The following CCDC15 variants were observed in gnomAD, a reference collection of about 807,000 sequenced individuals.
CCDC15 encodes coiled-coil domain containing 15, also known as coiled-coil domain-containing protein 15.
Under a neutral mutation model 114.5 loss-of-function variants are expected in CCDC15, and 105 were observed. That is an observed-to-expected ratio of 0.92 (90% CI 0.78 to 1.08). CCDC15 has a LOEUF of 1.08. Ranked by LOEUF, CCDC15 falls within the 50% of genes least tolerant of loss-of-function variation. The pLI, the probability that CCDC15 is intolerant of heterozygous loss-of-function variation, is 0.00. For missense variants in CCDC15, 1,105 were observed against 1,093.6 expected, an observed-to-expected ratio of 1.01 and a Z score of -0.15; for synonymous variants, 334 against 377.8, an observed-to-expected ratio of 0.88 and a Z score of 1.34.
At chr11:124,963,009 A>G (rs1947700703) in intron 4 of CCDC15, among the ~76,000 whole-genome samples, 1 of 152,212 alleles carries the variant, frequency 6.6e-6, no homozygotes. Context: ...ATAGTATTTC[A>G]TGGTGTATAT....
At chr11:125,037,440 C>G (rs1247859983) in intron 13 of CCDC15, 1 of 152,236 alleles carries the variant, frequency 6.6e-6, no homozygotes, top group East Asian at 1.9e-4. Context: ...ATGCACCAAT[C>G]AGTGCTCTGC....
intron 11 of CCDC15, among the ~76,000 whole-genome samples, chr11:125,002,888 A>G (rs1361270661): frequency 2.0e-5 from 3 of 152,034 alleles, no homozygotes; most frequent in Non-Finnish European, 4.4e-5. Context: ...GGTCCCTTGC[A>G]TATTCACAAG....
At chr11:125,026,596 A>G (rs1437357853) in intron 13 of CCDC15, among the ~76,000 whole-genome samples, 2 of 152,020 alleles carry the variant, frequency 1.3e-5, no homozygotes, top group Admixed American at 6.6e-5. Flanking sequence ...TTTGGGGAGG[A>G]TGATTGGTGG....
chr11:124,979,930 T>A (rs1277064589), intron 6 of CCDC15, among the ~76,000 whole-genome samples: 1 of 152,194 alleles, frequency 6.6e-6, no homozygotes, highest in Non-Finnish European at 1.5e-5. Flanking sequence ...TATTTTTATT[T>A]TGAAGTATAT....
chr11:125,037,103 C>G lies in CCDC15; in HGVS notation c.2412-1328C>G, dbSNP rs908376392. Among the ~76,000 whole-genome samples the G allele has an allele frequency of 4.6e-5, 7 of 152,042 alleles. No homozygotes were observed. In the South Asian group the frequency reaches 1.0e-3, roughly 23 times the overall value. On this transcript the variant is annotated intron_variant, in intron 13 of 15. Transcript: ENST00000344762. ...TAGTAATCTTTGGTTAGATGCCCAA[C>G]GTTATGAGTTTTACCATGTTAGTTG...
intron 6 of CCDC15, among the ~76,000 whole-genome samples, chr11:124,981,726 G>A (rs1477780766): frequency 6.6e-6 from 1 of 151,908 alleles, no homozygotes; most frequent in Admixed American, 6.5e-5. Flanking sequence ...TTCAAGTGAT[G>A]CTCCCAACTC....
At chr11:124,995,915 C>T (rs12798603) in intron 11 of CCDC15, among the ~76,000 whole-genome samples, 40,335 of 151,578 alleles carry the variant, frequency 0.27, 6,358 homozygotes, top group African/African-American at 0.44. Context: ...ACTGCAACTC[C>T]GCCTCCCGGG....
intron 2 of CCDC15, among the ~76,000 whole-genome samples, chr11:124,958,009 T>G (rs1947579235): frequency 6.6e-6 from 1 of 152,208 alleles, no homozygotes; most frequent in South Asian, 2.1e-4. Context: ...GTTAGCTATA[T>G]TAAAATTACT....
At chr11:125,031,490 G>C (rs986628744) in intron 13 of CCDC15, among the ~76,000 whole-genome samples, 1 of 152,158 alleles carries the variant, frequency 6.6e-6, no homozygotes, top group Non-Finnish European at 1.5e-5. Flanking sequence ...CCACTTTATG[G>C]CTAGATGGGT....
At chr11:125,015,599 A>G (rs1418310445) in intron 13 of CCDC15, among the ~76,000 whole-genome samples, 2 of 152,216 alleles carry the variant, frequency 1.3e-5, no homozygotes, top group Non-Finnish European at 2.9e-5. Flanking sequence ...AAAATCCTGA[A>G]AGAAAAATCC....
intron 6 of CCDC15, among the ~76,000 whole-genome samples, chr11:124,986,424 T>C (rs1203326415): frequency 1.3e-5 from 2 of 152,244 alleles, no homozygotes; most frequent in Non-Finnish European, 2.9e-5. Context: ...TGTTGTAAAT[T>C]TGAGAAATAT....
chr11:124,955,378 G>T (rs1947531076), intron 2 of CCDC15, among the ~76,000 whole-genome samples: 1 of 152,180 alleles, frequency 6.6e-6, no homozygotes. Flanking sequence ...AGAAAGAGAT[G>T]AACTCTGATA....
rs1235279263 is a variant in CCDC15, at chr11:124,975,173, T to G, written c.594T>G (p.Phe198Leu). 1.3e-6 allele frequency: 2 copies of G among 1,599,524 alleles called. No homozygotes were observed. The highest frequency in any genetic ancestry group is 1.8e-5 in the Admixed American group (1 of 57,002). Reference sequence around the variant, plus strand: ...TGATTAAAAAAAAGGGATCAGTGTTTCCAGATGATGGAAGGAAAAGCTTTC... The same window carrying G: ...TGATTAAAAAAAAGGGATCAGTGTTGCCAGATGATGGAAGGAAAAGCTTTC... Reference protein sequence around the residue: ...KTVIKKKGSVFPDDGRKSFLT... With the variant: ...KTVIKKKGSVLPDDGRKSFLT... Residue 198 changes from phenylalanine to leucine, a missense_variant, in exon 5 of 16, where the codon TTT (phenylalanine) becomes TTG (leucine). Phe to Leu is a conservative substitution (Grantham distance 22). Coordinates refer to ENST00000344762, the MANE Select transcript of CCDC15 (RefSeq NM_025004.3).
At chr11:124,960,077 G>T in intron 4 of CCDC15, 74 bp downstream of exon 4, 1 of 1,173,236 alleles carries the variant, frequency 8.5e-7, no homozygotes, top group Non-Finnish European at 1.2e-6. Context: ...TGACATCTAG[G>T]GTATGAGGTA....
intron 11 of CCDC15, among the ~76,000 whole-genome samples, chr11:125,001,234 A>G (rs1055646383): frequency 6.6e-6 from 1 of 152,182 alleles, no homozygotes; most frequent in Admixed American, 6.5e-5. Flanking sequence ...GCAGAGTATC[A>G]CCTTGGTCAG....
At chr11:124,967,467 G>GT (rs1197556175) in intron 4 of CCDC15, among the ~76,000 whole-genome samples, 1 of 152,112 alleles carries the variant, frequency 6.6e-6, no homozygotes, top group African/African-American at 2.4e-5. Context: ...CTCGTGCATG[G>GT]TTTTCAGCTC....
intron 4 of CCDC15, among the ~76,000 whole-genome samples, chr11:124,970,711 T>C (rs1405980410): frequency 1.3e-5 from 2 of 152,206 alleles, no homozygotes; most frequent in African/African-American, 4.8e-5. Flanking sequence ...TTATTCTTGA[T>C]TGGCTAAAAA....
Position 124,954,748 on chromosome 11 carries a change from GC to G in CCDC15, c.19del (p.Arg7GlufsTer14), listed in dbSNP as rs751305273. 6.2e-7 allele frequency: 1 copy of G among 1,613,846 alleles called. No homozygotes were observed. Among genetic ancestry groups the G allele is most frequent in the African/African-American group, 1.3e-5 (1 of 75,026 alleles). On this transcript the variant is annotated frameshift_variant, in exon 2 of 16. Coordinates refer to ENST00000344762, the MANE Select transcript of CCDC15 (RefSeq NM_025004.3). LOFTEE classifies it high-confidence loss of function. MLGSM[A>X]RKKPRNTSRL... ...GGAGTCACAGATGCTGGGAAGTATG[GC>G]CCGAAAGAAACCTCGAAATACCTCA...
chr11:124,976,806 G>T (rs1003819034), intron 5 of CCDC15, among the ~76,000 whole-genome samples: 1 of 151,996 alleles, frequency 6.6e-6, no homozygotes, highest in Non-Finnish European at 1.5e-5. Context: ...AGTTTTTTAC[G>T]TCAGAGGTGC....
Sources: gnomAD v4.1 joint callset for allele counts (sites outside exome capture counted in the v4.1 genomes callset) on GRCh38, gnomAD v4.1.1 for gene constraint, MANE v1.5 for transcripts, NCBI Gene and HGNC (gene_info 2026-07-23, HGNC 2026-07-21) for gene names.